The following ST7 variants were observed in gnomAD, a reference collection of about 807,000 sequenced individuals.
ST7 encodes suppressor of tumorigenicity 7 protein.
ST7 carries 28 observed loss-of-function variants against 78.7 expected under a neutral mutation model. The observed-to-expected ratio is 0.36, with a 90% CI of 0.26 to 0.49. The LOEUF (loss-of-function observed/expected upper bound fraction) is 0.49, where lower values mean the gene tolerates loss of function less well. Ranked by LOEUF, ST7 falls within the 20% of genes least tolerant of loss-of-function variation. The pLI is 0.99. For missense variants in ST7, 418 were observed against 696.0 expected, an observed-to-expected ratio of 0.60 and a Z score of 4.49; for synonymous variants, 247 against 249.6, an observed-to-expected ratio of 0.99 and a Z score of 0.10.
intron 1 of ST7, among the ~76,000 whole-genome samples, chr7:117,061,715 G>T (rs1460079245): frequency 6.6e-6 from 1 of 152,090 alleles, no homozygotes; most frequent in East Asian, 1.9e-4. Flanking sequence ...ATATATAAGG[G>T]TAATAGAGAG....
At chr7:116,965,292 A>T in intron 1 of ST7, among the ~76,000 whole-genome samples, 1 of 146,442 alleles carries the variant, frequency 6.8e-6, no homozygotes, top group South Asian at 2.2e-4. Flanking sequence ...GTGAGCTGAG[A>T]TTGCACCACT....
chr7:117,123,818 A>G (rs1039833559), intron 3 of ST7, among the ~76,000 whole-genome samples: 4 of 152,118 alleles, frequency 2.6e-5, no homozygotes, highest in Admixed American at 2.6e-4. Flanking sequence ...CTTCTTCAGG[A>G]TAATGGGAAA....
In ST7 at chr7:117,143,621, C is replaced by T. The variant is rs79744902; in HGVS notation, c.963+5089C>T. On this transcript the variant is annotated intron_variant, in intron 9 of 15. Transcript: ENST00000323984. The stretch of plus-strand genomic sequence containing the variant: ...ATTTAATTTTCCTAACAACCCTTGA[C>T]ATTGGTGCTTGTTAAAGGTCATGTA... 5.0e-3 allele frequency among the ~76,000 whole-genome samples: 764 copies of T among 152,228 alleles called. 7 individuals carry two copies. Among genetic ancestry groups the T allele is most frequent in the African/African-American group, 0.018 (733 of 41,526 alleles).
At chr7:116,963,796 C>G (rs1792959831) in intron 1 of ST7, among the ~76,000 whole-genome samples, 1 of 152,002 alleles carries the variant, frequency 6.6e-6, no homozygotes, top group Non-Finnish European at 1.5e-5. Flanking sequence ...CCATACCTGG[C>G]TAATTTTTGT....
At chr7:117,056,312 C>T (rs1798060863) in intron 1 of ST7, among the ~76,000 whole-genome samples, 1 of 152,090 alleles carries the variant, frequency 6.6e-6, no homozygotes, top group Non-Finnish European at 1.5e-5. Context: ...ATTTCTTGCT[C>T]AGAGTTGTGA....
At chr7:116,958,317 G>A (rs1048434072) in intron 1 of ST7, among the ~76,000 whole-genome samples, 6 of 151,512 alleles carry the variant, frequency 4.0e-5, no homozygotes, top group Non-Finnish European at 8.8e-5. Flanking sequence ...ACTTTTTTTT[G>A]TGTTAATTAA....
chr7:116,993,751 TA>T (rs1250210793), intron 1 of ST7, among the ~76,000 whole-genome samples: 4 of 152,236 alleles, frequency 2.6e-5, no homozygotes, highest in Admixed American at 2.6e-4. Context: ...AGAGTTTATT[TA>T]GAAGGATCAG....
chr7:116,967,302 G>A, intron 1 of ST7: 1 of 471,114 alleles, frequency 2.1e-6, no homozygotes, highest in Non-Finnish European at 4.4e-6. Flanking sequence ...CGCAGTGGTG[G>A]TGGCCATTAA....
chr7:117,024,562 G>A (rs538213754), intron 1 of ST7, among the ~76,000 whole-genome samples: 3 of 152,172 alleles, frequency 2.0e-5, no homozygotes, highest in South Asian at 2.1e-4. Context: ...GTGTCCCTGG[G>A]GCAAATAGCA....
chr7:117,138,353 A>C (rs1210825597), intron 8 of ST7, 82 bp from the exon 9 acceptor site: 1 of 866,622 alleles, frequency 1.2e-6, no homozygotes, highest in Non-Finnish European at 1.7e-6. Context: ...AGTGCTATGA[A>C]AATTTCCTTT....
At chr7:117,203,902 A>G (rs1039490132) in intron 12 of ST7, among the ~76,000 whole-genome samples, 1 of 152,196 alleles carries the variant, frequency 6.6e-6, no homozygotes, top group Admixed American at 6.5e-5. Flanking sequence ...GGGTGCTCCC[A>G]TATCTGTACA....
intron 12 of ST7, among the ~76,000 whole-genome samples, chr7:117,208,902 GGT>G (rs58017025): frequency 0.063 from 8,782 of 139,698 alleles, 338 homozygotes; most frequent in African/African-American, 0.11. Flanking sequence ...TGTATGTGTG[GGT>G]GTGTGTGTGT....
At chr7:117,178,097 T>A (rs894840150) in intron 10 of ST7, among the ~76,000 whole-genome samples, 3 of 152,200 alleles carry the variant, frequency 2.0e-5, no homozygotes, top group African/African-American at 4.8e-5. Flanking sequence ...ATGATATCAT[T>A]TGTTGCCTGA....
At chr7:117,019,836 A>G (rs1795788880) in intron 1 of ST7, among the ~76,000 whole-genome samples, 1 of 152,218 alleles carries the variant, frequency 6.6e-6, no homozygotes, top group Non-Finnish European at 1.5e-5. Context: ...CTTTGAGAAG[A>G]TAACAATGAA....
chr7:117,193,652 C>G (rs995279144), intron 12 of ST7, among the ~76,000 whole-genome samples: 6 of 152,250 alleles, frequency 3.9e-5, no homozygotes, highest in Non-Finnish European at 7.3e-5. Context: ...GGCAGGCACA[C>G]TGCTTCCTAA....
At chr7:117,023,807 T>C (rs13246800) in intron 1 of ST7, among the ~76,000 whole-genome samples, 129 of 150,122 alleles carry the variant, frequency 8.6e-4, no homozygotes, top group Non-Finnish European at 1.6e-3. Flanking sequence ...TGTGTGTGCG[T>C]GTGTGTGTGT....
intron 2 of ST7, among the ~76,000 whole-genome samples, chr7:117,109,864 C>A (rs1768548900): frequency 6.6e-6 from 1 of 152,144 alleles, no homozygotes; most frequent in African/African-American, 2.4e-5. Context: ...GGGTTTCATA[C>A]CAGGGATGCA....
At chr7:117,093,955 A>C (rs997253436) in intron 1 of ST7, among the ~76,000 whole-genome samples, 1 of 152,166 alleles carries the variant, frequency 6.6e-6, no homozygotes, top group African/African-American at 2.4e-5. Flanking sequence ...AAAGCCCCCT[A>C]TTCTTTATCT....
At chr7:117,170,702 A>G (rs1478181907) in intron 9 of ST7, among the ~76,000 whole-genome samples, 160 bp from the exon 10 acceptor site, 2 of 152,110 alleles carry the variant, frequency 1.3e-5, no homozygotes, top group Non-Finnish European at 2.9e-5. Flanking sequence ...TAAATAAGAA[A>G]TACTTATTTC....
Sources: allele counts gnomAD v4.1 joint callset (sites outside exome capture counted in the v4.1 genomes callset), GRCh38; gene constraint gnomAD v4.1.1; transcripts MANE v1.5; gene names NCBI Gene and HGNC (gene_info 2026-07-23, HGNC 2026-07-21).